ZMIZ1: variants seen among roughly 807,000 people sequenced by gnomAD.
The protein encoded by ZMIZ1 is zinc finger MIZ domain-containing protein 1.
Under a neutral mutation model 113.9 loss-of-function variants are expected in ZMIZ1, and 17 were observed. The ratio of observed to expected loss-of-function variants is 0.15; its 90% CI spans 0.10 to 0.22. The LOEUF (loss-of-function observed/expected upper bound fraction) is 0.22. Among genes scored for constraint, ZMIZ1 ranks in the 10% least tolerant of loss-of-function variants. The pLI, the probability that ZMIZ1 is intolerant of heterozygous loss-of-function variation, is 1.00. For synonymous variants in ZMIZ1, 607 were observed against 603.1 expected (o/e 1.01, Z -0.09); for missense variants, 1,059 against 1,477.8 (o/e 0.72, Z 4.65).
chr10:79,279,024 C>A (rs952663836), intron 8 of ZMIZ1, among the ~76,000 whole-genome samples: 1 of 145,572 alleles, frequency 6.9e-6, no homozygotes, highest in Non-Finnish European at 1.5e-5. Context: ...CGGGCAGAGG[C>A]GCCACCCACG....
chr10:79,113,497 T>C lies in ZMIZ1; in HGVS notation c.-336-5418T>C, dbSNP rs151010243. ...TCCTTCCCCTGGCCTGGCCTGAATG[T>C]GACTGGTGCCTGGAGGAGAGGCTGA... On this transcript the variant is annotated intron_variant, in intron 1 of 24. Coordinates refer to ENST00000334512, the MANE Select transcript of ZMIZ1 (RefSeq NM_020338.4). 6.6e-5 allele frequency among the ~76,000 whole-genome samples: 10 copies of C among 152,304 alleles called. No individual in the cohort carries two copies. In the East Asian group the frequency reaches 1.7e-3, roughly 27 times the overall value.
chr10:79,141,500 C>T (rs1312553789), intron 3 of ZMIZ1, among the ~76,000 whole-genome samples: 2 of 152,044 alleles, frequency 1.3e-5, no homozygotes, highest in African/African-American at 4.8e-5. Flanking sequence ...CTCGACCTCC[C>T]CAGCTGAAGT....
At chr10:79,257,286 T>C (rs1850976116) in intron 7 of ZMIZ1, among the ~76,000 whole-genome samples, 1 of 152,218 alleles carries the variant, frequency 6.6e-6, no homozygotes, top group Non-Finnish European at 1.5e-5. Flanking sequence ...TGCCAGCCTC[T>C]GAGCCTCTGC....
chr10:79,213,310 C>T (rs1225323414), intron 6 of ZMIZ1, among the ~76,000 whole-genome samples: 1 of 152,106 alleles, frequency 6.6e-6, no homozygotes, highest in Non-Finnish European at 1.5e-5. Context: ...CCAGAGGAAC[C>T]CAGGGGATAG....
chr10:79,315,963 C>G lies in ZMIZ1; in HGVS notation c.*3214C>G, dbSNP rs1855511020. 1.3e-5 allele frequency: 2 copies of G among 152,692 alleles called. No homozygotes were observed. Among genetic ancestry groups the G allele is most frequent in the Admixed American group, 1.3e-4 (2 of 15,278 alleles). The allele number at this position is 152,692 out of a possible 1,614,324, so 9.5% of individuals were successfully genotyped here. ...GTCTCTCTCGCTCATGTAATATACT[C>G]TGACCCTGAGTGGAAAGGGGTTTTT... is the stretch of plus-strand genomic sequence containing the variant. On this transcript the variant is annotated 3_prime_UTR_variant, in exon 25 of 25. Coordinates refer to ENST00000334512, the MANE Select transcript of ZMIZ1 (RefSeq NM_020338.4).
chr10:79,194,005 G>T (rs1259472367), intron 4 of ZMIZ1, among the ~76,000 whole-genome samples: 1 of 152,212 alleles, frequency 6.6e-6, no homozygotes, highest in Non-Finnish European at 1.5e-5. Context: ...TGATGAAGGG[G>T]CTGTCTGGGA....
At chr10:79,227,589 A>G (rs1849243379) in intron 7 of ZMIZ1, among the ~76,000 whole-genome samples, 1 of 152,250 alleles carries the variant, frequency 6.6e-6, no homozygotes, top group South Asian at 2.1e-4. Flanking sequence ...GTTAAGGTCT[A>G]TACAGTGCTT....
At chr10:79,192,729 G>A (rs1352363245) in intron 4 of ZMIZ1, among the ~76,000 whole-genome samples, 1 of 152,222 alleles carries the variant, frequency 6.6e-6, no homozygotes. Context: ...CTGCTTGACA[G>A]ATGAGGATGC....
intron 11 of ZMIZ1, 58 bp from the exon 12 acceptor site, chr10:79,293,323 T>A: frequency 1.4e-6 from 2 of 1,432,634 alleles, no homozygotes; most frequent in Non-Finnish European, 1.9e-6. Context: ...TTTCAATGCA[T>A]GTGGCATTTT....
chr10:79,090,885 C>T (rs912323112), intron 1 of ZMIZ1, among the ~76,000 whole-genome samples: 4 of 152,214 alleles, frequency 2.6e-5, no homozygotes, highest in South Asian at 2.1e-4. Flanking sequence ...CCTTTTCCAT[C>T]GGGATACACT....
intron 1 of ZMIZ1, among the ~76,000 whole-genome samples, chr10:79,114,032 T>C (rs1342909727): frequency 6.6e-6 from 1 of 152,196 alleles, no homozygotes; most frequent in Non-Finnish European, 1.5e-5. Flanking sequence ...AGAGGCTGAC[T>C]TGCCTGCCGG....
intron 7 of ZMIZ1, among the ~76,000 whole-genome samples, chr10:79,223,246 C>T (rs969390593): frequency 1.3e-5 from 2 of 152,254 alleles, no homozygotes; most frequent in African/African-American, 4.8e-5. Context: ...GCCCAGTGAG[C>T]AGGCAGGATT....
intron 19 of ZMIZ1, 28 bp from the exon 20 acceptor site, chr10:79,305,136 T>C: frequency 6.2e-7 from 1 of 1,613,550 alleles, no homozygotes; most frequent in Non-Finnish European, 8.5e-7. Flanking sequence ...AGTCCTGGTC[T>C]CACCTGTGTC....
chr10:79,161,631 G>A (rs1307963485), intron 3 of ZMIZ1, among the ~76,000 whole-genome samples: 1 of 152,218 alleles, frequency 6.6e-6, no homozygotes, highest in East Asian at 1.9e-4. Flanking sequence ...TTTCTGGCAA[G>A]CACTGCTTTT....
intron 7 of ZMIZ1, among the ~76,000 whole-genome samples, chr10:79,230,591 T>A (rs1014787465): frequency 6.6e-6 from 1 of 152,176 alleles, no homozygotes; most frequent in African/African-American, 2.4e-5. Context: ...AGGGTCCATG[T>A]CTGTTCAAAA....
intron 7 of ZMIZ1, among the ~76,000 whole-genome samples, chr10:79,276,894 A>C: frequency 6.8e-6 from 1 of 146,962 alleles, no homozygotes; most frequent in African/African-American, 2.5e-5. Context: ...CATCATCCTG[A>C]CTCTCCCCCT....
intron 7 of ZMIZ1, among the ~76,000 whole-genome samples, chr10:79,245,522 G>A (rs148247130): frequency 5.6e-4 from 85 of 152,296 alleles, no homozygotes; most frequent in African/African-American, 1.6e-3. Context: ...GAGTTGGGAC[G>A]GGGTCGGGGG....
chr10:79,208,309 C>G, intron 5 of ZMIZ1, 27 bp from the exon 6 acceptor site: 2 of 1,603,984 alleles, frequency 1.2e-6, no homozygotes, highest in Non-Finnish European at 1.7e-6. Context: ...CTTGGAGCCT[C>G]AGCCGCCTCC....
intron 15 of ZMIZ1, 75 bp from the exon 16 acceptor site, chr10:79,298,975 G>A: frequency 7.2e-6 from 11 of 1,531,082 alleles, no homozygotes; most frequent in Non-Finnish European, 9.6e-6. Context: ...CCCAGGGTGA[G>A]CAAGTCCCAC....
Sources: gnomAD v4.1 joint callset for allele counts (sites outside exome capture counted in the v4.1 genomes callset) on GRCh38, gnomAD v4.1.1 for gene constraint, MANE v1.5 for transcripts, NCBI Gene and HGNC (gene_info 2026-07-23, HGNC 2026-07-21) for gene names.